Variants in KLK4 observed in about 807,000 individuals in gnomAD.
The protein encoded by KLK4 is kallikrein related peptidase 4.
A neutral mutation model predicts 24.3 loss-of-function variants in KLK4; 24 were observed. The ratio of observed to expected loss-of-function variants is 0.99; its 90% CI spans 0.72 to 1.39. KLK4 has a LOEUF of 1.39. KLK4 is among the 40% of genes most tolerant of loss of function. KLK4 has a pLI of 0.00. For missense variants in KLK4, 344 were observed against 327.4 expected, an observed-to-expected ratio of 1.05 and a Z score of -0.39; for synonymous variants, 142 against 138.8, an observed-to-expected ratio of 1.02 and a Z score of -0.16.
chr19:50,908,337 C>T (rs377717371), intron 5 of KLK4, 22 bp downstream of exon 5: 2 of 1,611,300 alleles, frequency 1.2e-6, no homozygotes, highest in African/African-American at 1.3e-5. Context: ...AGTCGCCTGC[C>T]CTCCCCTTTC....
At chr19:50,909,126 A>G in intron 3 of KLK4, 126 bp downstream of exon 3, 2 of 1,570,498 alleles carry the variant, frequency 1.3e-6, no homozygotes, top group Non-Finnish European at 1.7e-6. Context: ...CCCCGGATCC[A>G]GGCTCATTCC....
rs750558170 is a variant in KLK4 at position 50,910,730 on chromosome 19, T to G, written c.9A>C (p.Thr3=). Residue 3 remains threonine (T), a synonymous_variant, in exon 2 of 6, where the codon ACA becomes ACC. Transcript: ENST00000324041. The surrounding 1 kb of genome is among the most constrained non-coding windows in gnomAD (Gnocchi z 4.4). The stretch of plus-strand genomic sequence containing the variant: ...GGAACCAGCCCCAGGGATTTCCTGC[T>G]GTGGCCATCACGTCAGCACCTGGGG... 6.4e-6 allele frequency: 10 copies of G among 1,553,740 alleles called. No individual in the cohort carries two copies. The highest frequency in any genetic ancestry group is 8.7e-6 in the Non-Finnish European group (10 of 1,147,938).
chr19:50,908,640 A>G (rs1240221478), exon 4 of KLK4: 5 of 1,614,232 alleles, frequency 3.1e-6, no homozygotes, highest in Non-Finnish European at 3.4e-6. Flanking sequence ...GGCACTGCGA[A>G]GCAATGCTGA....
chr19:50,911,057 G>A (rs908733960), intron 1 of KLK4, among the ~76,000 whole-genome samples: 2 of 152,176 alleles, frequency 1.3e-5, no homozygotes, highest in Non-Finnish European at 2.9e-5. Context: ...CCACAAACAA[G>A]CATGGAGGGA....
exon 3 of KLK4, chr19:50,909,320 G>T: frequency 1.9e-6 from 3 of 1,614,206 alleles, no homozygotes; most frequent in Non-Finnish European, 2.5e-6. Flanking sequence ...AGAACAATTC[G>T]TTTTCCATGA....
chr19:50,907,164 T>A, intron 5 of KLK4, 78 bp from the exon 6 acceptor site: 1 of 1,423,186 alleles, frequency 7.0e-7, no homozygotes. Context: ...AGGAACTAAA[T>A]GAGACTGAGA....
chr19:50,909,135 C>G, intron 3 of KLK4, 117 bp downstream of exon 3: 1 of 1,583,756 alleles, frequency 6.3e-7, no homozygotes, highest in Admixed American at 1.7e-5. Flanking sequence ...CAGGCTCATT[C>G]CGTCCTCCTC....
Position 50,910,711 on chromosome 19 carries a change from A to C in KLK4, c.28T>G (p.Trp10Gly). 1 of 1,555,420 alleles carries C rather than the reference A, an allele frequency of 6.4e-7. No homozygotes were observed. The highest frequency in any genetic ancestry group is 1.4e-5 in the African/African-American group (1 of 73,474). Residue 10 changes from tryptophan to glycine, a missense_variant, in exon 2 of 6, where the codon TGG becomes GGG. Trp to Gly is a radical substitution (Grantham distance 184). Transcript: ENST00000324041. The surrounding 1 kb of genome is among the most constrained non-coding windows in gnomAD (Gnocchi z 4.4). ...CCAAGGATGAGGTACCCCAGGAACC[A>C]GCCCCAGGGATTTCCTGCTGTGGCC...
In KLK4 at chr19:50,908,512, T is replaced by G. The variant is rs763799687; in HGVS notation, c.476-17A>C. 3.1e-6 allele frequency: 5 copies of G among 1,614,150 alleles called. No individual in the cohort carries two copies. Among genetic ancestry groups the G allele is most frequent in the East Asian group, 2.2e-5 (1 of 44,890 alleles). Reference sequence around the variant, plus strand: ...GCATTCTGCCTGGGACGCAGAGCTCTGGGTCAGCCCCCGCGACTGGGCAGA... The same window carrying G: ...GCATTCTGCCTGGGACGCAGAGCTCGGGGTCAGCCCCCGCGACTGGGCAGA... On this transcript the variant is annotated splice_polypyrimidine_tract_variant and intron_variant, in intron 4 of 5. Transcript: ENST00000324041.
At chr19:50,907,969 G>A (rs986440120) in intron 5 of KLK4, 7 of 332,092 alleles carry the variant, frequency 2.1e-5, no homozygotes, top group African/African-American at 4.3e-5. Flanking sequence ...TGCATAAAAC[G>A]TATGCATAAA....
At chr19:50,909,132 A>G in intron 3 of KLK4, 120 bp downstream of exon 3, 1 of 1,581,356 alleles carries the variant, frequency 6.3e-7, no homozygotes, top group Non-Finnish European at 8.6e-7. Context: ...ATCCAGGCTC[A>G]TTCCGTCCTC....
Position 50,908,343 on chromosome 19 carries a change from C to T in KLK4, c.612+16G>A, listed in dbSNP as rs1161379510. ...CCTTCCCTGAGTCGCCTGCCCTCCC[C>T]TTTCCCCTCTCTCACGTTGCAGGAG... On this transcript the variant is annotated intron_variant, in intron 5 of 5. Coordinates refer to ENST00000324041, the Ensembl canonical transcript of KLK4. 1 of 1,612,120 alleles carries T rather than the reference C, an allele frequency of 6.2e-7. No homozygotes were observed. The highest frequency in any genetic ancestry group is 8.5e-7 in the Non-Finnish European group (1 of 1,180,020).
exon 4 of KLK4, chr19:50,908,815 C>A (rs369572168): frequency 1.9e-6 from 3 of 1,612,870 alleles, no homozygotes; most frequent in Non-Finnish European, 2.5e-6. Flanking sequence ...CAGGCCCAGC[C>A]CGATGGTGTA....
intron 3 of KLK4, 79 bp from the exon 4 acceptor site, chr19:50,908,908 C>T (rs1043214844): frequency 6.3e-7 from 1 of 1,582,916 alleles, no homozygotes; most frequent in African/African-American, 1.3e-5. Flanking sequence ...CCATTCCCAT[C>T]CCCATCTCCT....
intron 2 of KLK4, 99 bp from the exon 3 acceptor site, chr19:50,909,513 C>CCCTGACTGCTCCTGA: frequency 1.6e-6 from 2 of 1,289,666 alleles, no homozygotes; most frequent in Non-Finnish European, 2.2e-6. Flanking sequence ...GGTTCAGGAG[C>CCCTGACTGCTCCTGA]AGTCAGGGCT....
At chr19:50,907,433 G>C (rs1263442739) in intron 5 of KLK4, among the ~76,000 whole-genome samples, 1 of 136,362 alleles carries the variant, frequency 7.3e-6, no homozygotes, top group Non-Finnish European at 1.5e-5. Context: ...TTGAGACAGA[G>C]TCTTACTCTG....
chr19:50,909,212 G>A (rs559564998), intron 3 of KLK4, 40 bp downstream of exon 3: 3 of 1,608,894 alleles, frequency 1.9e-6, no homozygotes, highest in African/African-American at 1.3e-5. Flanking sequence ...CCCCGCCCCC[G>A]GACCCAGGCC....
At chr19:50,909,287 C>A (rs755366281) in exon 3 of KLK4, 6 of 1,614,092 alleles carry the variant, frequency 3.7e-6, no homozygotes, top group Non-Finnish European at 5.1e-6. Context: ...GCACCCACTG[C>A]GGATGCACCA....
chr19:50,907,499 C>T (rs532168077), intron 5 of KLK4, among the ~76,000 whole-genome samples: 1 of 150,900 alleles, frequency 6.6e-6, no homozygotes, highest in East Asian at 1.9e-4. Flanking sequence ...CTCTGCCTCC[C>T]ATATTCAAGC....
Sources: allele counts gnomAD v4.1 joint callset (sites outside exome capture counted in the v4.1 genomes callset), GRCh38; gene constraint gnomAD v4.1.1; non-coding constraint Gnocchi (gnomAD v3.1); transcripts MANE v1.5; gene names NCBI Gene and HGNC (gene_info 2026-07-23, HGNC 2026-07-21).